Variants in ABRAXAS1 observed in about 807,000 individuals in gnomAD.
ABRAXAS1 encodes abraxas 1, BRCA1 A complex subunit.
Under a neutral mutation model 38.4 loss-of-function variants are expected in ABRAXAS1, and 26 were observed. The ratio of observed to expected loss-of-function variants is 0.68; its 90% CI spans 0.50 to 0.94. ABRAXAS1 has a LOEUF of 0.94. Among genes scored for constraint, ABRAXAS1 ranks in the 40% least tolerant of loss-of-function variants. ABRAXAS1 has a pLI of 0.00. For missense variants in ABRAXAS1, 438 were observed against 481.9 expected, an observed-to-expected ratio of 0.91 and a Z score of 0.85; for synonymous variants, 144 against 165.5, an observed-to-expected ratio of 0.87 and a Z score of 1.00.
chr4:83,475,628 G>A (rs1474420851), intron 3 of ABRAXAS1, among the ~76,000 whole-genome samples: 1 of 152,072 alleles, frequency 6.6e-6, no homozygotes, highest in African/African-American at 2.4e-5. Context: ...ATTTTTAGTG[G>A]AGACAGTGTT....
chr4:83,462,218 GT>G lies in ABRAXAS1; in HGVS notation c.*250del. 1 of 401,594 alleles carries G rather than the reference GT, an allele frequency of 2.5e-6. No individual in the cohort carries two copies. Among genetic ancestry groups the G allele is most frequent in the South Asian group, 3.3e-5 (1 of 30,180 alleles). 24.9% of individuals were successfully genotyped at this position (401,594 alleles called of 1,614,324 possible). A position where few individuals can be genotyped will look rare whatever the true frequency, so the allele number is the denominator to read the frequency against. On this transcript the variant is annotated 3_prime_UTR_variant, in exon 9 of 9. Transcript: ENST00000321945. ...TCACTTTTCCAATTCTAAAGAATGTGTCTGTGTAAGCCTTCCCCTCAACAAC... is the reference window on the plus strand; with the variant it reads ...TCACTTTTCCAATTCTAAAGAATGTGCTGTGTAAGCCTTCCCCTCAACAAC...
chr4:83,459,890 GCTATAAATTA>G lies in ABRAXAS1; in HGVS notation c.*2569_*2578del. ...AAGAAAACTCAAATTTTCAAATTGT[GCTATAAATTA>G]CTACTAGATCAGATACTACAGGGAC... On this transcript the variant is annotated 3_prime_UTR_variant, in exon 9 of 9. Coordinates refer to ENST00000321945, the MANE Select transcript of ABRAXAS1 (RefSeq NM_139076.3). The G allele has an allele frequency of 9.1e-7, 1 of 1,099,104 alleles. No individual in the cohort carries two copies. The highest frequency in any genetic ancestry group is 1.3e-6 in the Non-Finnish European group (1 of 751,878). 68.1% of individuals were successfully genotyped at this position (1,099,104 alleles called of 1,614,324 possible). A position where few individuals can be genotyped will look rare whatever the true frequency, so the allele number is the denominator to read the frequency against.
At chr4:83,470,428 T>G in intron 4 of ABRAXAS1, 32 bp from the exon 5 acceptor site, 1 of 1,480,860 alleles carries the variant, frequency 6.8e-7, no homozygotes, top group African/African-American at 1.4e-5. Flanking sequence ...ATATACATCT[T>G]AATAGTTACA....
rs754982356 is a variant in ABRAXAS1, at chr4:83,461,173, T to C, written c.*1296A>G. 1.4e-5 allele frequency: 22 copies of C among 1,612,610 alleles called. No individual in the cohort carries two copies. The highest frequency in any genetic ancestry group is 1.8e-5 in the Non-Finnish European group (21 of 1,179,664). ...CTGCATATCTCAAGGACCCTAAAGT[T>C]TGTAACATCAGATATCGGGAATAAA... On this transcript the variant is annotated 3_prime_UTR_variant, in exon 9 of 9. Transcript: ENST00000321945.
intron 3 of ABRAXAS1, among the ~76,000 whole-genome samples, chr4:83,475,053 G>A (rs1213354998): frequency 2.0e-5 from 3 of 152,130 alleles, no homozygotes; most frequent in East Asian, 3.9e-4. Context: ...CTCAGGCATT[G>A]GTTTCTCATC....
intron 3 of ABRAXAS1, among the ~76,000 whole-genome samples, chr4:83,474,803 T>G (rs1722708931): frequency 6.6e-6 from 1 of 152,074 alleles, no homozygotes; most frequent in African/African-American, 2.4e-5. Flanking sequence ...CCCCTGTAAT[T>G]AGAGCAGGAA....
At chr4:83,481,803 G>A (rs1723007867) in intron 2 of ABRAXAS1, among the ~76,000 whole-genome samples, 2 of 152,050 alleles carry the variant, frequency 1.3e-5, no homozygotes, top group Middle Eastern at 3.4e-3. Flanking sequence ...AGGCTGTAGT[G>A]CAGTGGCACA....
chr4:83,470,511 T>G, intron 4 of ABRAXAS1, 115 bp from the exon 5 acceptor site: 1 of 698,096 alleles, frequency 1.4e-6, no homozygotes, highest in South Asian at 2.7e-5. Context: ...TTAGAAAGAT[T>G]TGGGGCATAT....
chr4:83,462,317 G>A lies in ABRAXAS1; in HGVS notation c.*152C>T. On this transcript the variant is annotated 3_prime_UTR_variant, in exon 9 of 9. Transcript: ENST00000321945. ...TGAAAAAGTACTTTGTGAAGTAAAT[G>A]CACTAAGAGTTATCTGTGTATTACT... 1 of 646,286 alleles carries A rather than the reference G, an allele frequency of 1.5e-6. No individual in the cohort carries two copies. The highest frequency in any genetic ancestry group is 2.6e-6 in the Non-Finnish European group (1 of 380,054). 40.0% of individuals were successfully genotyped at this position (646,286 alleles called of 1,614,324 possible).
chr4:83,463,460 T>C (rs1560571258), intron 8 of ABRAXAS1, 34 bp downstream of exon 8: 8 of 1,430,206 alleles, frequency 5.6e-6, no homozygotes, highest in Non-Finnish European at 7.7e-6. Flanking sequence ...TAAAAATTTT[T>C]AGCACAGAAA....
Position 83,482,887 on chromosome 4 carries a change from G to A in ABRAXAS1, c.88-643C>T, listed in dbSNP as rs1038049405. 5.6e-4 allele frequency among the ~76,000 whole-genome samples: 85 copies of A among 152,122 alleles called. 3 individuals carry two copies. The highest frequency in any genetic ancestry group is 4.5e-3 in the Admixed American group (69 of 15,258). On this transcript the variant is annotated intron_variant, in intron 1 of 8. Transcript: ENST00000321945. ...ACTGGGCACACTTGGAAGCATATAAGACTTAAAGCCAGAAATGAGCACACA... is the reference window on the plus strand; with the variant it reads ...ACTGGGCACACTTGGAAGCATATAAAACTTAAAGCCAGAAATGAGCACACA...
At chr4:83,484,896 C>G (rs1578138594) in intron 1 of ABRAXAS1, 90 bp downstream of exon 1, 4 of 1,103,442 alleles carry the variant, frequency 3.6e-6, no homozygotes, top group South Asian at 1.7e-5. Flanking sequence ...GTCGGGGGAG[C>G]GGGCGGGGAC....
chr4:83,481,859 C>T (rs1411204771), intron 2 of ABRAXAS1, among the ~76,000 whole-genome samples: 1 of 152,124 alleles, frequency 6.6e-6, no homozygotes, highest in Admixed American at 6.6e-5. Context: ...AAGCAATTCT[C>T]GTGCCTCAGC....
chr4:83,468,851 C>CT, intron 6 of ABRAXAS1, among the ~76,000 whole-genome samples, 181 bp downstream of exon 6: 1 of 151,890 alleles, frequency 6.6e-6, no homozygotes, highest in Non-Finnish European at 1.5e-5. Context: ...TAACCACTAC[C>CT]TTTTTTGTAT....
intron 3 of ABRAXAS1, among the ~76,000 whole-genome samples, chr4:83,473,048 G>C (rs1425142847): frequency 1.3e-5 from 2 of 152,272 alleles, no homozygotes; most frequent in East Asian, 1.9e-4. Flanking sequence ...GGAGGCTGAG[G>C]GGGGTGGATG....
intron 1 of ABRAXAS1, among the ~76,000 whole-genome samples, chr4:83,483,071 GTGT>G (rs1723052517): frequency 1.3e-5 from 2 of 152,142 alleles, no homozygotes; most frequent in African/African-American, 2.4e-5. Flanking sequence ...GACAAGATTA[GTGT>G]TTTCTGATTA....
intron 1 of ABRAXAS1, among the ~76,000 whole-genome samples, chr4:83,484,464 A>C (rs982700731): frequency 6.6e-6 from 1 of 152,276 alleles, no homozygotes; most frequent in Non-Finnish European, 1.5e-5. Flanking sequence ...GATATCTGAT[A>C]TACCAGATTA....
chr4:83,474,940 G>A (rs1722713700), intron 3 of ABRAXAS1, among the ~76,000 whole-genome samples: 1 of 152,030 alleles, frequency 6.6e-6, no homozygotes, highest in East Asian at 1.9e-4. Context: ...GCCTATTATT[G>A]TGTTGTTTAA....
chr4:83,473,717 T>C (rs1290459225), intron 3 of ABRAXAS1, among the ~76,000 whole-genome samples: 1 of 151,914 alleles, frequency 6.6e-6, no homozygotes, highest in Non-Finnish European at 1.5e-5. Flanking sequence ...AGTTTCGCCA[T>C]GTTACCAGGC....
Sources: allele counts gnomAD v4.1 joint callset (sites outside exome capture counted in the v4.1 genomes callset), GRCh38; gene constraint gnomAD v4.1.1; transcripts MANE v1.5; gene names NCBI Gene and HGNC (gene_info 2026-07-23, HGNC 2026-07-21).